DSCAM: variants seen among roughly 807,000 people sequenced by gnomAD.
DSCAM encodes the protein cell adhesion molecule DSCAM.
Under a neutral mutation model 217.7 loss-of-function variants are expected in DSCAM, and 47 were observed. The ratio of observed to expected loss-of-function variants is 0.22; its 90% CI spans 0.17 to 0.28. DSCAM has a LOEUF of 0.28. DSCAM is among the 10% of genes least tolerant of loss of function. The probability of loss-of-function intolerance (pLI) is 1.00; values close to 1 mark genes in which losing one functional copy is unlikely to be tolerated. For missense variants in DSCAM, 2,080 were observed against 2,618.3 expected, an observed-to-expected ratio of 0.79 and a Z score of 4.49; for synonymous variants, 1,056 against 1,015.3, an observed-to-expected ratio of 1.04 and a Z score of -0.76.
intron 11 of DSCAM, among the ~76,000 whole-genome samples, chr21:40,195,581 G>A (rs9978725): frequency 0.48 from 73,038 of 151,896 alleles, 18,328 homozygotes; most frequent in African/African-American, 0.62. Context: ...ACTGTCCCAG[G>A]GTGTCCAGGA....
intron 3 of DSCAM, among the ~76,000 whole-genome samples, chr21:40,544,867 A>G (rs1015416921): frequency 6.6e-6 from 1 of 152,082 alleles, no homozygotes; most frequent in Non-Finnish European, 1.5e-5. Flanking sequence ...ACTTTTTTCC[A>G]AATAAGAAAA....
At chr21:40,188,161 T>TA (rs2090915690) in intron 12 of DSCAM, among the ~76,000 whole-genome samples, 174 bp from the exon 13 acceptor site, 1 of 152,020 alleles carries the variant, frequency 6.6e-6, no homozygotes, top group Admixed American at 6.6e-5. Context: ...ACTCACATAC[T>TA]AAATCACACA....
intron 11 of DSCAM, among the ~76,000 whole-genome samples, chr21:40,271,554 T>C (rs952794666): frequency 1.3e-5 from 2 of 152,116 alleles, no homozygotes; most frequent in Non-Finnish European, 2.9e-5. Context: ...TCAGTGGGTT[T>C]TGGAGCTGTG....
intron 4 of DSCAM, among the ~76,000 whole-genome samples, chr21:40,368,582 A>G (rs1190625782): frequency 1.3e-5 from 2 of 152,230 alleles, no homozygotes; most frequent in African/African-American, 4.8e-5. Flanking sequence ...AAATTATTCC[A>G]ATGTTCAACA....
chr21:40,623,202 CA>C (rs2089546113), intron 3 of DSCAM, among the ~76,000 whole-genome samples: 1 of 151,260 alleles, frequency 6.6e-6, no homozygotes, highest in Non-Finnish European at 1.5e-5. Flanking sequence ...CTGGCTGACT[CA>C]TTGAAGACTG....
chr21:40,050,187 TG>T (rs2088906552), intron 30 of DSCAM, among the ~76,000 whole-genome samples: 1 of 152,148 alleles, frequency 6.6e-6, no homozygotes, highest in Admixed American at 6.5e-5. Flanking sequence ...GGCCTGGAAT[TG>T]ATATTTAAAT....
At chr21:40,800,037 T>A (rs1159301816) in intron 1 of DSCAM, among the ~76,000 whole-genome samples, 5 of 152,184 alleles carry the variant, frequency 3.3e-5, no homozygotes, top group Non-Finnish European at 7.3e-5. Context: ...TAATAGATTA[T>A]CACAGGAGTG....
intron 1 of DSCAM, among the ~76,000 whole-genome samples, chr21:40,829,339 TC>T (rs2091994786): frequency 6.6e-6 from 1 of 152,114 alleles, no homozygotes; most frequent in Non-Finnish European, 1.5e-5. Context: ...TGTGAAGTAG[TC>T]TTCCCACAGA....
chr21:40,690,544 C>T (rs7283151), intron 3 of DSCAM, among the ~76,000 whole-genome samples: 15,241 of 152,202 alleles, frequency 0.1, 753 homozygotes, highest in Middle Eastern at 0.16. Context: ...AAAACTTTTG[C>T]ATTTAAAATT....
chr21:40,601,644 GT>G (rs757237649), intron 3 of DSCAM, among the ~76,000 whole-genome samples: 58 of 152,196 alleles, frequency 3.8e-4, no homozygotes, highest in African/African-American at 1.3e-3. Context: ...TCTGTTATAG[GT>G]TTTATGTAGA....
intron 5 of DSCAM, among the ~76,000 whole-genome samples, chr21:40,348,286 C>T (rs532904595): frequency 1.2e-4 from 7 of 58,218 alleles, no homozygotes; most frequent in South Asian, 4.8e-4. Context: ...GCAATCATAC[C>T]CCAGAGAGTT....
chr21:40,538,476 C>A (rs1229516332), intron 3 of DSCAM, among the ~76,000 whole-genome samples: 1 of 152,124 alleles, frequency 6.6e-6, no homozygotes, highest in Non-Finnish European at 1.5e-5. Flanking sequence ...AATATTTCAT[C>A]TTTTGAAAAC....
chr21:40,430,952 C>A lies in DSCAM; in HGVS notation c.509-61707G>T, dbSNP rs533072330. Reference sequence around the variant, plus strand: ...GGAGGCAGCAGTGAGAGAGAAGCCGCTACTGAGACAGCTGGAGAGGGAGAA... The same window carrying A: ...GGAGGCAGCAGTGAGAGAGAAGCCGATACTGAGACAGCTGGAGAGGGAGAA... On this transcript the variant is annotated intron_variant, in intron 3 of 32. Transcript: ENST00000400454. Among the ~76,000 whole-genome samples, 15 of 152,336 alleles carry A rather than the reference C, an allele frequency of 9.8e-5. No individual in the cohort carries two copies. In the South Asian group the frequency reaches 2.7e-3, roughly 27 times the overall value.
chr21:40,833,535 G>T (rs1319333313), intron 1 of DSCAM, among the ~76,000 whole-genome samples: 1 of 152,184 alleles, frequency 6.6e-6, no homozygotes, highest in Non-Finnish European at 1.5e-5. Flanking sequence ...TAGCATAATT[G>T]CTTGAGGGAG....
intron 8 of DSCAM, among the ~76,000 whole-genome samples, chr21:40,319,114 GA>G (rs1322171432): frequency 6.6e-6 from 1 of 152,152 alleles, no homozygotes; most frequent in East Asian, 1.9e-4. Flanking sequence ...ACATAGATTT[GA>G]AATACCACAT....
chr21:40,781,451 T>C (rs1024085534), intron 1 of DSCAM, among the ~76,000 whole-genome samples: 1 of 152,218 alleles, frequency 6.6e-6, no homozygotes, highest in Non-Finnish European at 1.5e-5. Flanking sequence ...CTCTGAACAA[T>C]GCGGATTTCA....
chr21:40,712,464 C>T (rs1280290528), intron 1 of DSCAM, among the ~76,000 whole-genome samples: 1 of 114,272 alleles, frequency 8.8e-6, no homozygotes, highest in East Asian at 2.4e-4. Flanking sequence ...AGCGAGACTC[C>T]GTCTCAAAAA....
In DSCAM at chr21:40,518,499, TTA is replaced by T. The variant is rs1358729067; in HGVS notation, c.509-149256_509-149255del. Among the ~76,000 whole-genome samples the T allele has an allele frequency of 2.4e-3, 37 of 15,446 alleles. 2 individuals carry two copies. Among genetic ancestry groups the T allele is most frequent in the African/African-American group, 8.0e-3 (15 of 1,876 alleles). The allele number at this position is 15,446 out of a possible 152,430, so 10.1% of individuals were successfully genotyped here. A position where few individuals can be genotyped will look rare whatever the true frequency, so the allele number is the denominator to read the frequency against. On this transcript the variant is annotated intron_variant, in intron 3 of 32. Transcript: ENST00000400454. The stretch of plus-strand genomic sequence containing the variant: ...ATATATTTTATATATATATTATATA[TTA>T]TATATATAATATATATAATATATAT...
intron 3 of DSCAM, among the ~76,000 whole-genome samples, chr21:40,678,012 A>C (rs2090360279): frequency 6.6e-6 from 1 of 152,214 alleles, no homozygotes; most frequent in Non-Finnish European, 1.5e-5. Flanking sequence ...ATTACAGGTA[A>C]ACATTTTCAG....
Sources: allele counts gnomAD v4.1 joint callset (sites outside exome capture counted in the v4.1 genomes callset), GRCh38; gene constraint gnomAD v4.1.1; transcripts MANE v1.5; gene names NCBI Gene and HGNC (gene_info 2026-07-23, HGNC 2026-07-21).